Variants in ETV6 observed in about 807,000 individuals in gnomAD.
ETV6 encodes the protein ETS variant transcription factor 6, also known as transcription factor ETV6.
ETV6 carries 16 observed loss-of-function variants against 51.1 expected under a neutral mutation model. The observed-to-expected ratio is 0.31, with a 90% CI of 0.21 to 0.48. The LOEUF (loss-of-function observed/expected upper bound fraction) is 0.48. ETV6 is among the 20% of genes least tolerant of loss of function. The probability of loss-of-function intolerance (pLI) is 0.99; values close to 1 mark genes in which losing one functional copy is unlikely to be tolerated. For synonymous variants in ETV6, 240 were observed against 224.1 expected (o/e 1.07, Z -0.64); for missense variants, 458 against 594.8 (o/e 0.77, Z 2.39).
At chr12:11,724,420 G>A (rs1276691014) in intron 1 of ETV6, among the ~76,000 whole-genome samples, 1 of 152,200 alleles carries the variant, frequency 6.6e-6, no homozygotes, top group East Asian at 1.9e-4. Context: ...TTATACTTAG[G>A]GGAGAATCTG....
intron 1 of ETV6, among the ~76,000 whole-genome samples, chr12:11,676,388 T>C (rs941139780): frequency 2.6e-5 from 4 of 152,192 alleles, no homozygotes; most frequent in Non-Finnish European, 4.4e-5. Flanking sequence ...TCTATTACTC[T>C]CAGGTTAAAG....
At chr12:11,768,528 C>T (rs992404638) in intron 2 of ETV6, among the ~76,000 whole-genome samples, 1 of 152,126 alleles carries the variant, frequency 6.6e-6, no homozygotes, top group Non-Finnish European at 1.5e-5. Context: ...GTTCTTTATC[C>T]CCTCAGTGCA....
chr12:11,684,981 G>C lies in ETV6; in HGVS notation c.33+34821G>C, dbSNP rs1864600290. ...GACAGAGAGAGTGACGCAGGGCCAGGGGGATCCTATTCCAGGTCGGTGGTC... is the reference window on the plus strand; with the variant it reads ...GACAGAGAGAGTGACGCAGGGCCAGCGGGATCCTATTCCAGGTCGGTGGTC... On this transcript the variant is annotated intron_variant, in intron 1 of 7. Coordinates refer to ENST00000396373, the MANE Select transcript of ETV6 (RefSeq NM_001987.5). Among the ~76,000 whole-genome samples, 3 of 152,154 alleles carry C rather than the reference G, an allele frequency of 2.0e-5. No homozygotes were observed. In the South Asian group the frequency reaches 6.2e-4, roughly 32 times the overall value.
intron 1 of ETV6, among the ~76,000 whole-genome samples, chr12:11,700,960 G>T (rs894896169): frequency 2.5e-4 from 38 of 152,040 alleles, no homozygotes; most frequent in African/African-American, 9.2e-4. Flanking sequence ...CCAGGCTTTA[G>T]TTCTAAAACT....
At chr12:11,889,367 C>G (rs1382711221) in intron 7 of ETV6, among the ~76,000 whole-genome samples, 2 of 152,110 alleles carry the variant, frequency 1.3e-5, no homozygotes, top group Non-Finnish European at 2.9e-5. Context: ...AGAGATTAGT[C>G]CATTTTGAGG....
At chr12:11,885,061 A>C (rs1947164402) in intron 6 of ETV6, among the ~76,000 whole-genome samples, 1 of 152,238 alleles carries the variant, frequency 6.6e-6, no homozygotes, top group Non-Finnish European at 1.5e-5. Context: ...CAAGCGATGC[A>C]AGAAGTTTGC....
chr12:11,745,609 G>A (rs765371039), intron 1 of ETV6, among the ~76,000 whole-genome samples: 8 of 152,210 alleles, frequency 5.3e-5, no homozygotes, highest in Admixed American at 2.6e-4. Context: ...CTTGGACTGC[G>A]GCCACTGTGA....
At chr12:11,654,733 T>A (rs2856317) in intron 1 of ETV6, among the ~76,000 whole-genome samples, 4 of 152,092 alleles carry the variant, frequency 2.6e-5, no homozygotes, top group Admixed American at 2.0e-4. Flanking sequence ...ATATATATAT[T>A]TTTTACAGTG....
At chr12:11,677,909 G>A (rs891145575) in intron 1 of ETV6, among the ~76,000 whole-genome samples, 27 of 152,188 alleles carry the variant, frequency 1.8e-4, no homozygotes, top group African/African-American at 6.0e-4. Context: ...GCCTCCCAGC[G>A]TCCTCTGGCA....
At chr12:11,883,276 C>CTTCTTCTTTTTTTTTTTTTTTTTTT (rs776231778) in intron 5 of ETV6, among the ~76,000 whole-genome samples, 5 of 79,112 alleles carry the variant, frequency 6.3e-5, no homozygotes, top group Non-Finnish European at 1.1e-4. Context: ...ATGTCTTCTT[C>CTTCTTCTTTTTTTTTTTTTTTTTTT]TTTTTTTTTT....
intron 3 of ETV6, among the ~76,000 whole-genome samples, chr12:11,841,700 T>A (rs1259744278): frequency 6.6e-6 from 1 of 152,218 alleles, no homozygotes; most frequent in Non-Finnish European, 1.5e-5. Flanking sequence ...TCTAGCTGGC[T>A]TGTCGAACAA....
At chr12:11,813,322 C>T (rs1945942460) in intron 2 of ETV6, among the ~76,000 whole-genome samples, 1 of 152,196 alleles carries the variant, frequency 6.6e-6, no homozygotes, top group African/African-American at 2.4e-5. Flanking sequence ...CTCTGCCGGC[C>T]TTTGGGTGGA....
intron 1 of ETV6, among the ~76,000 whole-genome samples, chr12:11,725,249 A>C (rs1865467707): frequency 6.6e-6 from 1 of 151,912 alleles, no homozygotes; most frequent in Non-Finnish European, 1.5e-5. Context: ...GATTGGTCAG[A>C]ATTCCAAATT....
chr12:11,726,935 T>TA (rs1865499719), intron 1 of ETV6, among the ~76,000 whole-genome samples: 1 of 152,238 alleles, frequency 6.6e-6, no homozygotes, highest in African/African-American at 2.4e-5. Flanking sequence ...TAGGTGTTTT[T>TA]ATCTCCAGTT....
intron 2 of ETV6, among the ~76,000 whole-genome samples, chr12:11,802,955 T>C (rs1945772567): frequency 6.6e-6 from 1 of 152,244 alleles, no homozygotes; most frequent in Non-Finnish European, 1.5e-5. Context: ...ACTCCTTGTC[T>C]TCAATCTATT....
intron 1 of ETV6, among the ~76,000 whole-genome samples, chr12:11,667,821 C>T (rs1335588082): frequency 1.3e-5 from 2 of 151,186 alleles, no homozygotes; most frequent in Admixed American, 1.3e-4. Flanking sequence ...CTTGCCTCGG[C>T]CTCCCGTGTA....
At chr12:11,654,599 G>T (rs1341183554) in intron 1 of ETV6, among the ~76,000 whole-genome samples, 2 of 126,534 alleles carry the variant, frequency 1.6e-5, no homozygotes, top group African/African-American at 4.9e-5. Flanking sequence ...TGGTATGTGG[G>T]GGTAGAAATG....
intron 2 of ETV6, among the ~76,000 whole-genome samples, chr12:11,818,837 A>G (rs1565538037): frequency 2.0e-5 from 3 of 151,890 alleles, no homozygotes; most frequent in Admixed American, 6.6e-5. Flanking sequence ...CCTCCTCTGC[A>G]GGCTCCCAGG....
intron 1 of ETV6, among the ~76,000 whole-genome samples, chr12:11,706,870 A>T (rs1194597745): frequency 1.3e-5 from 2 of 152,218 alleles, no homozygotes; most frequent in Non-Finnish European, 2.9e-5. Context: ...CTGCAGGTTG[A>T]TGCTGCTTGT....
Sources: gnomAD v4.1 joint callset for allele counts (sites outside exome capture counted in the v4.1 genomes callset) on GRCh38, gnomAD v4.1.1 for gene constraint, MANE v1.5 for transcripts, NCBI Gene and HGNC (gene_info 2026-07-23, HGNC 2026-07-21) for gene names.